Variants in MYRIP observed in about 807,000 individuals in gnomAD.
MYRIP encodes rab effector MyRIP.
A neutral mutation model predicts 98.0 loss-of-function variants in MYRIP; 49 were observed. That is an observed-to-expected ratio of 0.50 (90% CI 0.40 to 0.63). The LOEUF (loss-of-function observed/expected upper bound fraction) is 0.63, where lower values mean the gene tolerates loss of function less well. MYRIP is among the 30% of genes least tolerant of loss of function. The pLI, the probability that MYRIP is intolerant of heterozygous loss-of-function variation, is 0.00. For synonymous variants in MYRIP, 404 were observed against 409.5 expected, an observed-to-expected ratio of 0.99 and a Z score of 0.16; for missense variants, 1,004 against 1,058.2, an observed-to-expected ratio of 0.95 and a Z score of 0.71.
intron 10 of MYRIP, among the ~76,000 whole-genome samples, chr3:40,193,208 G>GACTGTGGGGATTGTAGAA (rs950276519): frequency 4.6e-5 from 7 of 152,204 alleles, no homozygotes; most frequent in South Asian, 2.1e-4. Flanking sequence ...ATCAAGGGGG[G>GACTGTGGGGATTGTAGAA]ACTGTGGGGA....
intron 3 of MYRIP, among the ~76,000 whole-genome samples, chr3:40,149,769 A>G (rs1338631718): frequency 1.3e-5 from 2 of 152,122 alleles, no homozygotes; most frequent in Non-Finnish European, 2.9e-5. Context: ...GTTCTTTGTT[A>G]CCTTTATGCT....
chr3:40,170,798 C>T (rs945070962), intron 8 of MYRIP, among the ~76,000 whole-genome samples: 4 of 152,152 alleles, frequency 2.6e-5, no homozygotes, highest in African/African-American at 9.7e-5. Flanking sequence ...CAGTCTGGGA[C>T]AGGGCAGCAC....
intron 1 of MYRIP, among the ~76,000 whole-genome samples, chr3:39,839,824 A>G (rs1020641081): frequency 1.3e-5 from 2 of 152,112 alleles, no homozygotes; most frequent in Non-Finnish European, 2.9e-5. Flanking sequence ...TTTTGTTTGC[A>G]CTGTGGTCTG....
At chr3:40,257,684 C>G (rs1395559298) in intron 16 of MYRIP, among the ~76,000 whole-genome samples, 1 of 152,164 alleles carries the variant, frequency 6.6e-6, no homozygotes, top group Non-Finnish European at 1.5e-5. Context: ...GACAAAAGCA[C>G]TTTGCAAAAT....
intron 3 of MYRIP, among the ~76,000 whole-genome samples, chr3:40,119,062 C>T (rs1949344075): frequency 6.6e-6 from 1 of 151,996 alleles, no homozygotes; most frequent in South Asian, 2.1e-4. Flanking sequence ...GTCTTTATAG[C>T]AGCATGATTT....
At chr3:39,996,052 C>A (rs1575448308) in intron 2 of MYRIP, among the ~76,000 whole-genome samples, 1 of 152,284 alleles carries the variant, frequency 6.6e-6, no homozygotes, top group Non-Finnish European at 1.5e-5. Context: ...TGGAAAAGAA[C>A]AACCGGTACC....
intron 2 of MYRIP, among the ~76,000 whole-genome samples, chr3:39,997,127 G>A (rs1207103177): frequency 2.0e-5 from 3 of 152,138 alleles, no homozygotes; most frequent in Non-Finnish European, 2.9e-5. Context: ...AAAAGAACTA[G>A]AAAGGCAAGA....
chr3:39,894,462 C>T (rs1030924227), intron 1 of MYRIP, among the ~76,000 whole-genome samples: 2 of 152,172 alleles, frequency 1.3e-5, no homozygotes, highest in African/African-American at 4.8e-5. Flanking sequence ...GTGTTTATTG[C>T]TGTGTAGTGT....
chr3:40,086,660 T>C (rs1948633888), intron 3 of MYRIP, among the ~76,000 whole-genome samples: 1 of 152,226 alleles, frequency 6.6e-6, no homozygotes, highest in Non-Finnish European at 1.5e-5. Context: ...CATTCCAGGC[T>C]TAAATCCTAG....
At chr3:40,222,351 A>AC (rs1256639903) in intron 11 of MYRIP, among the ~76,000 whole-genome samples, 1 of 152,160 alleles carries the variant, frequency 6.6e-6, no homozygotes, top group Non-Finnish European at 1.5e-5. Flanking sequence ...TGGCAGTGGT[A>AC]AACTGACATA....
intron 13 of MYRIP, among the ~76,000 whole-genome samples, chr3:40,249,944 GTCCCCAGGCTTTCATTTA>G (rs955209177): frequency 1.3e-4 from 20 of 152,214 alleles, no homozygotes; most frequent in Middle Eastern, 6.8e-3. Flanking sequence ...TCCCCATCGT[GTCCCCAGGCTTTCATTTA>G]TCCCCAGGCA....
chr3:40,137,946 CAT>C (rs1949815900), intron 3 of MYRIP, among the ~76,000 whole-genome samples: 1 of 152,194 alleles, frequency 6.6e-6, no homozygotes, highest in Admixed American at 6.5e-5. Context: ...CAGATCTGGT[CAT>C]ACATCTATGT....
At chr3:39,906,160 C>A (rs902569169) in intron 2 of MYRIP, among the ~76,000 whole-genome samples, 9 of 151,930 alleles carry the variant, frequency 5.9e-5, no homozygotes, top group African/African-American at 2.2e-4. Context: ...CTCTGGGCTT[C>A]ATTTTGACCC....
At chr3:39,932,752 A>G (rs1241750800) in intron 2 of MYRIP, among the ~76,000 whole-genome samples, 1 of 152,062 alleles carries the variant, frequency 6.6e-6, no homozygotes, top group African/African-American at 2.4e-5. Flanking sequence ...GAGTTCATTG[A>G]GTCTTACCTG....
intron 13 of MYRIP, among the ~76,000 whole-genome samples, chr3:40,245,358 G>T (rs1298806572): frequency 6.6e-6 from 1 of 152,058 alleles, no homozygotes; most frequent in African/African-American, 2.4e-5. Flanking sequence ...CTTTAAAAGG[G>T]CTCCATGTAG....
intron 3 of MYRIP, among the ~76,000 whole-genome samples, chr3:40,127,186 T>C (rs1282567052): frequency 6.6e-6 from 1 of 152,204 alleles, no homozygotes; most frequent in Non-Finnish European, 1.5e-5. Flanking sequence ...TTTTCTAAGA[T>C]TAAATAGCTA....
At chr3:40,055,429 T>G (rs981899343) in intron 3 of MYRIP, among the ~76,000 whole-genome samples, 11 of 152,290 alleles carry the variant, frequency 7.2e-5, no homozygotes, top group African/African-American at 2.4e-4. Context: ...AGCCCCTAAT[T>G]GATAACACCT....
chr3:40,188,499 T>C (rs1406910135), intron 9 of MYRIP, among the ~76,000 whole-genome samples: 10 of 146,240 alleles, frequency 6.8e-5, no homozygotes, highest in African/African-American at 2.3e-4. Flanking sequence ...AAAAAAAGAC[T>C]GGGTGCTGTG....
At chr3:40,120,373 C>T (rs1433861050) in intron 3 of MYRIP, among the ~76,000 whole-genome samples, 1 of 151,892 alleles carries the variant, frequency 6.6e-6, no homozygotes, top group Non-Finnish European at 1.5e-5. Flanking sequence ...CTTAACATTA[C>T]CATTAGTCAA....
Sources: gnomAD v4.1 joint callset for allele counts (sites outside exome capture counted in the v4.1 genomes callset) on GRCh38, gnomAD v4.1.1 for gene constraint, MANE v1.5 for transcripts, NCBI Gene and HGNC (gene_info 2026-07-23, HGNC 2026-07-21) for gene names.